Variants in USP48 observed in about 807,000 individuals in gnomAD.
USP48 encodes the protein ubiquitin carboxyl-terminal hydrolase 48.
Under a neutral mutation model 150.7 loss-of-function variants are expected in USP48, and 43 were observed. The observed-to-expected ratio is 0.29, with a 90% CI of 0.22 to 0.37. The LOEUF is 0.37. Ranked by LOEUF, USP48 falls within the 10% of genes least tolerant of loss-of-function variation. The pLI, the probability that USP48 is intolerant of heterozygous loss-of-function variation, is 1.00. For synonymous variants in USP48, 396 were observed against 425.9 expected (o/e 0.93, Z 0.86); for missense variants, 813 against 1,249.6 (o/e 0.65, Z 5.27).
intron 14 of USP48, among the ~76,000 whole-genome samples, chr1:21,720,783 G>A (rs1163615521): frequency 2.0e-5 from 3 of 151,672 alleles, no homozygotes; most frequent in African/African-American, 7.3e-5. Flanking sequence ...AACCTGCCTC[G>A]GCCTCCTAAA....
intron 1 of USP48, among the ~76,000 whole-genome samples, chr1:21,780,292 C>T (rs1300737801): frequency 6.6e-6 from 1 of 152,110 alleles, no homozygotes; most frequent in East Asian, 1.9e-4. Flanking sequence ...TTAAGTGAAA[C>T]CAGACACAAA....
chr1:21,707,004 CTCTTT>C (rs2097674607), intron 15 of USP48, 136 bp from the exon 16 acceptor site: 1 of 1,043,772 alleles, frequency 9.6e-7, no homozygotes, highest in Non-Finnish European at 1.3e-6. Flanking sequence ...ATTTCTAGCT[CTCTTT>C]TCTTGTTTTC....
chr1:21,714,517 C>A (rs745771584), intron 15 of USP48, among the ~76,000 whole-genome samples: 1 of 152,098 alleles, frequency 6.6e-6, no homozygotes, highest in Non-Finnish European at 1.5e-5. Flanking sequence ...CCTACCTGAG[C>A]CTTCCTAGTA....
At chr1:21,717,172 G>C (rs2097706935) in intron 14 of USP48, among the ~76,000 whole-genome samples, 1 of 152,090 alleles carries the variant, frequency 6.6e-6, no homozygotes, top group Non-Finnish European at 1.5e-5. Flanking sequence ...AGAAGACAAA[G>C]GCAGGCAGAT....
intron 25 of USP48, 161 bp downstream of exon 25, chr1:21,687,030 C>T: frequency 4.4e-6 from 3 of 676,610 alleles, no homozygotes; most frequent in South Asian, 4.0e-5. Context: ...TCTTTCCCTC[C>T]TTTCTATGAT....
intron 25 of USP48, among the ~76,000 whole-genome samples, chr1:21,681,963 A>G (rs543439253): frequency 6.6e-6 from 1 of 152,294 alleles, no homozygotes; most frequent in East Asian, 1.9e-4. Context: ...TCCAATATGG[A>G]TCAGGTGTCT....
intron 1 of USP48, among the ~76,000 whole-genome samples, chr1:21,775,316 C>CAGTG (rs2097895065): frequency 6.6e-6 from 1 of 152,114 alleles, no homozygotes; most frequent in African/African-American, 2.4e-5. Flanking sequence ...GGTTGGCGTG[C>CAGTG]AGTGGCTCAA....
intron 25 of USP48, chr1:21,686,491 A>G (rs1192389391): frequency 3.5e-4 from 2 of 5,732 alleles, no homozygotes; most frequent in Non-Finnish European, 0.011. Flanking sequence ...TGGTTTGCAT[A>G]TGTTGAACAT....
At chr1:21,756,422 A>T in intron 3 of USP48, 124 bp downstream of exon 3, 1 of 1,170,480 alleles carries the variant, frequency 8.5e-7, no homozygotes, top group Non-Finnish European at 1.2e-6. Context: ...CAGACGTTGC[A>T]GTGAACCGAG....
rs894013542 is a variant in USP48, at chr1:21,678,634, A to C, written c.*783T>G. ...TTTTTTATTTTCAAACGTGCCAGGTACATTTCCCACTTTTGAATAACAGCA... is the reference window on the plus strand; with the variant it reads ...TTTTTTATTTTCAAACGTGCCAGGTCCATTTCCCACTTTTGAATAACAGCA... On this transcript the variant is annotated 3_prime_UTR_variant, in exon 27 of 27. Transcript: ENST00000308271. 6.6e-6 allele frequency: 1 copy of C among 152,228 alleles called. No homozygotes were observed. Among genetic ancestry groups the C allele is most frequent in the Non-Finnish European group, 1.5e-5 (1 of 68,036 alleles). The allele number at this position is 152,228 out of a possible 1,614,324, so 9.4% of individuals were successfully genotyped here.
At chr1:21,696,911 G>GT (rs397697561) in intron 22 of USP48, among the ~76,000 whole-genome samples, 1 of 150,818 alleles carries the variant, frequency 6.6e-6, no homozygotes, top group Non-Finnish European at 1.5e-5. Context: ...GGGGATGGGG[G>GT]GTGAGTGAGA....
chr1:21,683,187 C>T (rs2097571446), intron 25 of USP48, among the ~76,000 whole-genome samples: 1 of 152,066 alleles, frequency 6.6e-6, no homozygotes, highest in African/African-American at 2.4e-5. Flanking sequence ...TCACTTGAAG[C>T]CCAGAGGCGG....
intron 11 of USP48, among the ~76,000 whole-genome samples, chr1:21,725,435 T>C (rs965312619): frequency 1.1e-4 from 16 of 152,182 alleles, no homozygotes; most frequent in African/African-American, 3.9e-4. Context: ...TAATTATACA[T>C]TTACGTAAAC....
intron 15 of USP48, among the ~76,000 whole-genome samples, chr1:21,714,773 A>C (rs2097699840): frequency 6.6e-6 from 1 of 152,262 alleles, no homozygotes; most frequent in African/African-American, 2.4e-5. Context: ...ACATAGGATT[A>C]AATAAGGATT....
rs1454458159 is a variant in USP48 at position 21,679,274 on chromosome 1, C to T, written c.*143G>A. 1.1e-6 allele frequency: 1 copy of T among 942,760 alleles called. No homozygotes were observed. The allele number at this position is 942,760 out of a possible 1,614,324, so 58.4% of individuals were successfully genotyped here. A position where few individuals can be genotyped will look rare whatever the true frequency, so the allele number is the denominator to read the frequency against. On this transcript the variant is annotated 3_prime_UTR_variant, in exon 27 of 27. Transcript: ENST00000308271. ...TTTATTTGACATAAGGCATTTGGGA[C>T]AGTCACGTTTGAATGGATTTCTGCC...
chr1:21,745,223 A>G (rs905358731), intron 8 of USP48, among the ~76,000 whole-genome samples: 1 of 152,220 alleles, frequency 6.6e-6, no homozygotes, highest in African/African-American at 2.4e-5. Flanking sequence ...CAAGCCTATA[A>G]CTATAAACCA....
Position 21,728,718 on chromosome 1 carries a change from G to T in USP48, c.1302C>A (p.Ala434=). 1 of 1,613,328 alleles carries T rather than the reference G, an allele frequency of 6.2e-7. No homozygotes were observed. Among genetic ancestry groups the T allele is most frequent in the Non-Finnish European group, 8.5e-7 (1 of 1,179,812 alleles). Residue 434 remains alanine, a splice_region_variant and synonymous_variant, in exon 11 of 27, where the codon GCC becomes GCA. Coordinates refer to ENST00000308271, the MANE Select transcript of USP48 (RefSeq NM_032236.8). ...CCCGATCTACCAGCTCTTGAAGAAA[G>T]GCTATTCAAAACAGAAAGACAAAAA... The part of the protein sequence containing the change: ...EKPNTTVQVP[A]FLQELVDRDN...
chr1:21,775,421 T>C (rs1292961642), intron 1 of USP48, among the ~76,000 whole-genome samples: 3 of 152,134 alleles, frequency 2.0e-5, no homozygotes, highest in East Asian at 1.9e-4. Context: ...GCCGCCACCA[T>C]GCCCGGCTAA....
chr1:21,756,450 T>C, intron 3 of USP48, 96 bp downstream of exon 3: 4 of 1,389,924 alleles, frequency 2.9e-6, no homozygotes, highest in Non-Finnish European at 3.8e-6. Flanking sequence ...CACTTCACTC[T>C]GGCTTGGGAA....
Sources: gnomAD v4.1 joint callset for allele counts (sites outside exome capture counted in the v4.1 genomes callset) on GRCh38, gnomAD v4.1.1 for gene constraint, MANE v1.5 for transcripts, NCBI Gene and HGNC (gene_info 2026-07-23, HGNC 2026-07-21) for gene names.